JCAD: variants seen among roughly 807,000 people sequenced by gnomAD.
JCAD encodes junctional cadherin 5 associated, also known as junctional cadherin 5-associated protein.
In JCAD, 40 loss-of-function variants were observed where a neutral mutation model predicts 98.0. The observed-to-expected ratio is 0.41, with a 90% CI of 0.32 to 0.53. JCAD has a LOEUF of 0.53. Ranked by LOEUF, JCAD falls within the 20% of genes least tolerant of loss-of-function variation. The probability of loss-of-function intolerance (pLI) is 0.31; values close to 1 mark genes in which losing one functional copy is unlikely to be tolerated. For missense variants in JCAD, 1,705 were observed against 1,738.1 expected, an observed-to-expected ratio of 0.98 and a Z score of 0.34; for synonymous variants, 691 against 682.3, an observed-to-expected ratio of 1.01 and a Z score of -0.20.
intron 1 of JCAD, among the ~76,000 whole-genome samples, chr10:30,111,767 C>T (rs943740224): frequency 6.6e-6 from 1 of 152,204 alleles, no homozygotes. Flanking sequence ...TGAGCTCACA[C>T]TTCACACCCA....
In JCAD at chr10:30,028,043, G is replaced by A. The variant is rs745397407; in HGVS notation, c.2105C>T (p.Ser702Leu). 1 of 1,614,238 alleles carries A rather than the reference G, an allele frequency of 6.2e-7. No homozygotes were observed. The highest frequency in any genetic ancestry group is 1.7e-5 in the Admixed American group (1 of 60,032). The change falls in exon 3 of 4, where the codon TCG (serine) becomes TTG (leucine). Residue 702 changes from serine (S) to leucine (L), a missense_variant. Physicochemically the swap from Ser to Leu is moderately radical, Grantham distance 145. Coordinates refer to ENST00000375377, the MANE Select transcript of JCAD (RefSeq NM_020848.4). ...CAGCTTTGCACCAGGGAGCAGCTGC[G>A]AACTTTGGGGCTCCTCGGAGAAACT... Reference protein sequence around the residue: ...QTSFSEEPQSSQLLPGAKLGG... With the variant: ...QTSFSEEPQSLQLLPGAKLGG...
At chr10:30,081,835 C>T (rs565878905) in intron 1 of JCAD, among the ~76,000 whole-genome samples, 34 of 152,328 alleles carry the variant, frequency 2.2e-4, no homozygotes, top group African/African-American at 7.9e-4. Context: ...CTAAAGGGAT[C>T]ACTCACGTCT....
At chr10:30,081,095 G>A (rs938175220) in intron 1 of JCAD, among the ~76,000 whole-genome samples, 1 of 152,156 alleles carries the variant, frequency 6.6e-6, no homozygotes, top group African/African-American at 2.4e-5. Context: ...GACCACCTGG[G>A]GTTTCCCAGA....
intron 3 of JCAD, among the ~76,000 whole-genome samples, chr10:30,024,953 C>T (rs1836757103): frequency 6.6e-6 from 1 of 152,080 alleles, no homozygotes; most frequent in Admixed American, 6.5e-5. Context: ...CCTCGGCCTC[C>T]CAAAGTGTTG....
rs908793696 is a variant in JCAD, at chr10:30,025,868, G to A, written c.4045+235C>T. On this transcript the variant is annotated intron_variant, in intron 3 of 3. Coordinates refer to ENST00000375377, the MANE Select transcript of JCAD (RefSeq NM_020848.4). ...GATTGCACAACTGCACTCCAGCCAG[G>A]CGACAGAGTGAGATACTATCTCAAA... 3 of 540,380 alleles carry A rather than the reference G, an allele frequency of 5.6e-6. No homozygotes were observed. In the Admixed American group the frequency reaches 9.6e-5, roughly 17 times the overall value. 33.5% of individuals were successfully genotyped at this position (540,380 alleles called of 1,614,324 possible). A position where few individuals can be genotyped will look rare whatever the true frequency, so the allele number is the denominator to read the frequency against.
chr10:30,073,253 AT>A (rs1837926188), intron 1 of JCAD, among the ~76,000 whole-genome samples: 1 of 152,224 alleles, frequency 6.6e-6, no homozygotes, highest in African/African-American at 2.4e-5. Context: ...AAATGACGTC[AT>A]GTCTCTGAGC....
At chr10:30,036,743 C>A (rs925623418) in intron 2 of JCAD, among the ~76,000 whole-genome samples, 2 of 152,276 alleles carry the variant, frequency 1.3e-5, no homozygotes, top group Non-Finnish European at 2.9e-5. Flanking sequence ...GAGCCTGGTC[C>A]TCCCGTGGGG....
intron 1 of JCAD, among the ~76,000 whole-genome samples, chr10:30,086,573 C>T (rs910599998): frequency 1.3e-5 from 2 of 152,174 alleles, no homozygotes; most frequent in South Asian, 2.1e-4. Flanking sequence ...TTAATTGCCA[C>T]CCACCCTGGG....
In JCAD at chr10:30,028,944, G is replaced by A. The variant is rs773368532; in HGVS notation, c.1204C>T (p.Arg402Cys). Residue 402 changes from arginine (R) to cysteine (C), a missense_variant, in exon 3 of 4, where the codon CGC (arginine) becomes TGC (cysteine). This residue lies in a region of JCAD where 1,278 missense variants were observed against 1,243.1 expected (regional missense o/e 1.03). Coordinates refer to ENST00000375377, the MANE Select transcript of JCAD (RefSeq NM_020848.4). ...TGTGCGGGGAGCCCCTGAGGCAAGC[G>A]GGGGCTCACACCATACTCATTCCCA... The part of the protein sequence containing the change: ...GTGNEYGVSP[R>C]LPQGLPAHPR... 3.1e-5 allele frequency: 50 copies of A among 1,613,754 alleles called. No individual in the cohort carries two copies. Among genetic ancestry groups the A allele is most frequent in the East Asian group, 6.7e-5 (3 of 44,882 alleles).
chr10:30,038,969 G>C (rs923276824), intron 2 of JCAD, among the ~76,000 whole-genome samples: 5 of 152,156 alleles, frequency 3.3e-5, no homozygotes, highest in African/African-American at 1.2e-4. Flanking sequence ...TCCTGCAACT[G>C]CACTTCTAAG....
At chr10:30,060,090 A>C (rs1837671998), upstream of JCAD, among the ~76,000 whole-genome samples, 2 of 151,278 alleles carry the variant, frequency 1.3e-5, no homozygotes, top group Non-Finnish European at 2.9e-5. Flanking sequence ...ACATACATAC[A>C]TGGGAACACA....
exon 2 of JCAD, chr10:30,069,786 A>G (rs967404957): frequency 6.8e-6 from 1 of 147,994 alleles, no homozygotes; most frequent in Admixed American, 6.7e-5. Context: ...GATTGCACCA[A>G]TGCACTCCAG....
chr10:30,082,572 C>T (rs772969362), intron 1 of JCAD, among the ~76,000 whole-genome samples: 1 of 151,958 alleles, frequency 6.6e-6, no homozygotes, highest in Non-Finnish European at 1.5e-5. Context: ...AAAAATTAGG[C>T]CAGGTGTGGT....
At chr10:30,054,140 A>T (rs1837522605) in intron 1 of JCAD, among the ~76,000 whole-genome samples, 1 of 152,266 alleles carries the variant, frequency 6.6e-6, no homozygotes, top group South Asian at 2.1e-4. Flanking sequence ...GGTATACAAC[A>T]GCACAGGGAA....
rs776019936 is a variant in JCAD, at chr10:30,028,677, C to A, written c.1471G>T (p.Val491Phe). 7.5e-6 allele frequency: 12 copies of A among 1,607,120 alleles called. No individual in the cohort carries two copies. Among genetic ancestry groups the A allele is most frequent in the Non-Finnish European group, 1.0e-5 (12 of 1,176,428 alleles). The change falls in exon 3 of 4, where the codon GTC (valine) becomes TTC (phenylalanine). Residue 491 changes from valine (V) to phenylalanine (F), a missense_variant. This residue lies in a region of JCAD where 1,278 missense variants were observed against 1,243.1 expected (regional missense o/e 1.03). Transcript: ENST00000375377. ...CACCGGGGGCTGGAATCGGCCAAGACCAGGCCTCTCTCATCCCCCGACGGG... is the reference window on the plus strand; with the variant it reads ...CACCGGGGGCTGGAATCGGCCAAGAACAGGCCTCTCTCATCCCCCGACGGG... ...IPPSGDERGLVLADSSPRWLW... is the reference protein window; with the variant it reads ...IPPSGDERGLFLADSSPRWLW...
At chr10:30,030,165 C>T (rs1393732796) in intron 2 of JCAD, among the ~76,000 whole-genome samples, 3 of 152,290 alleles carry the variant, frequency 2.0e-5, no homozygotes, top group East Asian at 1.9e-4. Context: ...GGTGGAAGGC[C>T]GGGCACCGTG....
rs1291371562 is a variant in JCAD, at chr10:30,027,705, G to A, written c.2443C>T (p.Leu815Phe). The change falls in exon 3 of 4, where the codon CTC becomes TTC. Residue 815 changes from leucine to phenylalanine, a missense_variant. Physicochemically the swap from Leu to Phe is conservative, Grantham distance 22 (BLOSUM62 0). This residue lies in a region of JCAD where 1,278 missense variants were observed against 1,243.1 expected (regional missense o/e 1.03). Transcript: ENST00000375377. Reference sequence around the variant, plus strand: ...GGTTTCAGGAGAAACTGCCCAAAGAGTTGTTTACTGTTGCAAGGGCCCGTG... The same window carrying A: ...GGTTTCAGGAGAAACTGCCCAAAGAATTGTTTACTGTTGCAAGGGCCCGTG... ...EPTGPCNSKQ[L>F]FGQFLLKPVS... 6.2e-7 allele frequency: 1 copy of A among 1,614,238 alleles called. No individual in the cohort carries two copies.
chr10:30,111,204 G>A (rs762523140), intron 1 of JCAD, among the ~76,000 whole-genome samples: 6 of 152,210 alleles, frequency 3.9e-5, no homozygotes, highest in Non-Finnish European at 7.3e-5. Flanking sequence ...TTCCTCACCT[G>A]TACACTGTTC....
intron 2 of JCAD, among the ~76,000 whole-genome samples, chr10:30,045,327 G>T (rs1251431106): frequency 6.6e-6 from 1 of 151,990 alleles, no homozygotes; most frequent in South Asian, 2.1e-4. Context: ...CATCTGCAGG[G>T]ATTCCATAGC....
Sources: gnomAD v4.1 joint callset for allele counts (sites outside exome capture counted in the v4.1 genomes callset) on GRCh38, gnomAD v4.1.1 for gene constraint, gnomAD v4.1.1 regional missense constraint, MANE v1.5 for transcripts, NCBI Gene and HGNC (gene_info 2026-07-23, HGNC 2026-07-21) for gene names.